Variants in MPP4 observed in about 807,000 individuals in gnomAD.
MPP4 encodes the protein MAGUK p55 subfamily member 4.
In MPP4, 91 loss-of-function variants were observed where a neutral mutation model predicts 98.3. The ratio of observed to expected loss-of-function variants is 0.93; its 90% confidence interval spans 0.78 to 1.10. MPP4 has a LOEUF of 1.10. MPP4 is among the 50% of genes least tolerant of loss of function. MPP4 has a pLI of 0.00. For synonymous variants in MPP4, 261 were observed against 271.8 expected (o/e 0.96, Z 0.39); for missense variants, 744 against 792.9 (o/e 0.94, Z 0.74).
chr2:201,656,128 A>G (rs546076799), intron 17 of MPP4, 70 bp downstream of exon 17: 20 of 1,465,160 alleles, frequency 1.4e-5, no homozygotes, highest in Non-Finnish European at 1.8e-5. Flanking sequence ...ATTATTCCCA[A>G]TGCAAGACAC....
chr2:201,657,785 T>A (rs149081309), intron 16 of MPP4, among the ~76,000 whole-genome samples: 146 of 151,960 alleles, frequency 9.6e-4, no homozygotes, highest in African/African-American at 3.3e-3. Context: ...GATTTTACTC[T>A]GCCTCTGACA....
chr2:201,684,241 TAGA>T (rs1423281866), intron 7 of MPP4, among the ~76,000 whole-genome samples: 1 of 151,314 alleles, frequency 6.6e-6, no homozygotes, highest in Non-Finnish European at 1.5e-5. Flanking sequence ...AAAAAGTTTT[TAGA>T]AGAACAGCAG....
Position 201,692,949 on chromosome 2 carries a change from A to T in MPP4, c.160T>A (p.Tyr54Asn). Residue 54 changes from tyrosine to asparagine, a missense_variant, in exon 3 of 22, where the codon TAC becomes AAC. Tyr to Asn is a moderately radical substitution (Grantham distance 143). Transcript: ENST00000409474. ...GRDVNGVCLL[Y>N]DLLHSPWLQA... The stretch of plus-strand genomic sequence containing the variant: ...AGCCACGGCGAGTGGAGGAGATCGT[A>T]CAAGAGACACACTCCATTCACATCT... 8 of 1,612,432 alleles carry T rather than the reference A, an allele frequency of 5.0e-6. No individual in the cohort carries two copies. Among genetic ancestry groups the T allele is most frequent in the Non-Finnish European group, 5.9e-6 (7 of 1,179,308 alleles).
intron 1 of MPP4, 70 bp from the exon 2 acceptor site, chr2:201,694,124 A>C (rs1427430600): frequency 1.4e-6 from 2 of 1,427,840 alleles, no homozygotes; most frequent in East Asian, 4.7e-5. Context: ...ATACACATCA[A>C]ATGAAACACA....
chr2:201,684,098 TG>T (rs1300247699), intron 7 of MPP4, among the ~76,000 whole-genome samples: 3 of 151,116 alleles, frequency 2.0e-5, no homozygotes, highest in African/African-American at 7.3e-5. Flanking sequence ...TGTGCACCAG[TG>T]GACCCAGCTA....
chr2:201,675,841 A>G (rs1008579594), intron 10 of MPP4, among the ~76,000 whole-genome samples: 6 of 152,180 alleles, frequency 3.9e-5, no homozygotes, highest in African/African-American at 1.4e-4. Context: ...CTTCAAAGCA[A>G]CTTTCTAAGC....
chr2:201,685,819 T>C (rs1688812441), intron 6 of MPP4, 100 bp downstream of exon 6: 1 of 1,428,982 alleles, frequency 7.0e-7, no homozygotes, highest in Non-Finnish European at 9.6e-7. Flanking sequence ...GTATATGTGA[T>C]CGCAGGCAAG....
At chr2:201,679,621 TA>T (rs897135329) in intron 10 of MPP4, among the ~76,000 whole-genome samples, 3 of 152,198 alleles carry the variant, frequency 2.0e-5, no homozygotes, top group Admixed American at 2.0e-4. Flanking sequence ...TCTTGAATAC[TA>T]AAGCATATCT....
At chr2:201,680,539 T>G in intron 10 of MPP4, 1 of 292,984 alleles carries the variant, frequency 3.4e-6, no homozygotes, top group South Asian at 5.7e-5. Context: ...GGGGATTAGG[T>G]CTCAACATAT....
At position 201,666,639 on chromosome 2, in the gene MPP4, G is replaced by A. The variant is rs552876689; in HGVS notation, c.1013-267C>T. The A allele has an allele frequency of 1.4e-4, 32 of 236,714 alleles. No individual in the cohort carries two copies. The East Asian group carries it at 1.9e-3, about 14-fold the overall frequency. The allele number at this position is 236,714 out of a possible 1,614,324, so 14.7% of individuals were successfully genotyped here. ...CGTGGGAGGCTGAGGCAGGAGAATC[G>A]TTTGAACCCGGGAGGCAGAGGTTGC... On this transcript the variant is annotated intron_variant, in intron 12 of 21. Coordinates refer to ENST00000409474, the MANE Select transcript of MPP4 (RefSeq NM_033066.3).
At chr2:201,659,426 C>T (rs771176517) in intron 15 of MPP4, among the ~76,000 whole-genome samples, 3 of 152,110 alleles carry the variant, frequency 2.0e-5, no homozygotes, top group Non-Finnish European at 4.4e-5. Flanking sequence ...CCTGTTTCTC[C>T]TTTCATTGAG....
chr2:201,660,868 A>G (rs920806287), intron 14 of MPP4, among the ~76,000 whole-genome samples: 1 of 152,116 alleles, frequency 6.6e-6, no homozygotes, highest in African/African-American at 2.4e-5. Flanking sequence ...AGGAAACCAA[A>G]TACAAAGCAA....
chr2:201,665,708 A>G (rs1449759023), intron 13 of MPP4: 1 of 152,156 alleles, frequency 6.6e-6, no homozygotes, highest in East Asian at 1.9e-4. Context: ...TTGTTCTCTC[A>G]CTTCTAAAAA....
chr2:201,697,818 C>T (rs1421080632), intron 1 of MPP4: 1 of 531,208 alleles, frequency 1.9e-6, no homozygotes, highest in South Asian at 8.1e-5. Context: ...AGGAATCTGA[C>T]ATTCAAGGAG....
At chr2:201,683,112 A>G (rs1156284606) in intron 7 of MPP4, among the ~76,000 whole-genome samples, 196 bp from the exon 8 acceptor site, 1 of 150,916 alleles carries the variant, frequency 6.6e-6, no homozygotes, top group African/African-American at 2.5e-5. Context: ...CCATTTTTCT[A>G]CCTCGTCATA....
intron 11 of MPP4, among the ~76,000 whole-genome samples, chr2:201,674,721 G>A (rs1426623550): frequency 6.6e-6 from 1 of 152,172 alleles, no homozygotes; most frequent in East Asian, 1.9e-4. Flanking sequence ...AGACCATCAA[G>A]TTAGTGGAAG....
chr2:201,645,124 G>T lies in MPP4; in HGVS notation c.*86C>A. 2 of 1,176,806 alleles carry T rather than the reference G, an allele frequency of 1.7e-6. No homozygotes were observed. Among genetic ancestry groups the T allele is most frequent in the East Asian group, 2.6e-5 (1 of 38,112 alleles). 72.9% of individuals were successfully genotyped at this position (1,176,806 alleles called of 1,614,324 possible). On this transcript the variant is annotated 3_prime_UTR_variant, in exon 22 of 22. Transcript: ENST00000409474. ...CTTTTAAAGTTGTACACATTAAAAT[G>T]GGTCAAATACTGTTGTTTTAGATTG...
At chr2:201,669,162 A>T (rs1688269026) in intron 12 of MPP4, among the ~76,000 whole-genome samples, 1 of 151,646 alleles carries the variant, frequency 6.6e-6, no homozygotes, top group African/African-American at 2.4e-5. Context: ...TGAGTCATCC[A>T]GATGGTTGGG....
intron 5 of MPP4, among the ~76,000 whole-genome samples, chr2:201,686,520 G>A (rs1156825836): frequency 6.6e-6 from 1 of 152,184 alleles, no homozygotes; most frequent in Non-Finnish European, 1.5e-5. Context: ...GAGTTCATAT[G>A]ATCAAGCTCT....
Sources: allele counts gnomAD v4.1 joint callset (sites outside exome capture counted in the v4.1 genomes callset), GRCh38; gene constraint gnomAD v4.1.1; transcripts MANE v1.5; gene names NCBI Gene and HGNC (gene_info 2026-07-23, HGNC 2026-07-21).